Variants in DOCK1 observed in about 807,000 individuals in gnomAD.
DOCK1 encodes the protein dedicator of cytokinesis 1, also known as dedicator of cytokinesis protein 1.
In DOCK1, 138 loss-of-function variants were observed where a neutral mutation model predicts 262.7. The observed-to-expected ratio is 0.53, with a 90% confidence interval of 0.46 to 0.61. The LOEUF is 0.61. Ranked by LOEUF, DOCK1 falls within the 20% of genes least tolerant of loss-of-function variation. DOCK1 has a pLI of 0.00. For synonymous variants in DOCK1, 866 were observed against 867.4 expected (o/e 1.00, Z 0.03); for missense variants, 1,908 against 2,370.7 (o/e 0.80, Z 4.05).
At chr10:126,970,016 G>T (rs1591485350) in intron 1 of DOCK1, among the ~76,000 whole-genome samples, 1 of 152,080 alleles carries the variant, frequency 6.6e-6, no homozygotes, top group Non-Finnish European at 1.5e-5. Context: ...ATTGAGAGTG[G>T]GCTAGTTGAA....
At chr10:127,172,901 G>A (rs1455041529) in intron 27 of DOCK1, among the ~76,000 whole-genome samples, 1 of 152,230 alleles carries the variant, frequency 6.6e-6, no homozygotes, top group Non-Finnish European at 1.5e-5. Flanking sequence ...TCTTATGTAT[G>A]TGGCTATCGA....
At chr10:127,195,853 G>A (rs1030155221) in intron 27 of DOCK1, 1 of 152,280 alleles carries the variant, frequency 6.6e-6, no homozygotes, top group Non-Finnish European at 1.5e-5. Context: ...GGCCCCGGGA[G>A]CCGCCGAGTT....
chr10:127,162,920 A>G (rs944814563), intron 27 of DOCK1, among the ~76,000 whole-genome samples: 1 of 152,156 alleles, frequency 6.6e-6, no homozygotes, highest in Non-Finnish European at 1.5e-5. Flanking sequence ...AAATGAAGGA[A>G]TTCTTGATGG....
chr10:127,440,507 G>A (rs975714952), intron 49 of DOCK1, among the ~76,000 whole-genome samples: 5 of 152,180 alleles, frequency 3.3e-5, no homozygotes, highest in Non-Finnish European at 5.9e-5. Flanking sequence ...GTCAGGATTG[G>A]AGCCGCCCTC....
Position 127,052,694 on chromosome 10 carries a change from G to C in DOCK1, c.2215G>C (p.Val739Leu), listed in dbSNP as rs2044819111. The C allele has an allele frequency of 1.8e-5, 29 of 1,613,998 alleles. No homozygotes were observed. Among genetic ancestry groups the C allele is most frequent in the Non-Finnish European group, 2.5e-5 (29 of 1,179,896 alleles). The change falls in exon 22 of 52, where the codon GTG becomes CTG. Residue 739 changes from valine to leucine, a missense_variant. Val to Leu is a conservative substitution (Grantham distance 32, BLOSUM62 1). Transcript: ENST00000623213. ...ATLAYTKLTK[V>L]LKNYVDGAEK... The stretch of plus-strand genomic sequence containing the variant: ...CATTGTGAATAGGAAGTTGACAAAA[G>C]TGTTGAAGAACTACGTGGACGGTGC...
At position 127,250,791 on chromosome 10, in the gene DOCK1, C is replaced by CAAAAAA. The variant is rs1180814401; in HGVS notation, c.2949+2708_2949+2713dup. 6.6e-4 allele frequency among the ~76,000 whole-genome samples: 42 copies of CAAAAAA among 64,070 alleles called. 1 individual carries two copies. The highest frequency in any genetic ancestry group is 1.0e-3 in the Admixed American group (4 of 3,888). 42.0% of individuals were successfully genotyped at this position (64,070 alleles called of 152,430 possible). On this transcript the variant is annotated intron_variant, in intron 28 of 51. Transcript: ENST00000623213. ...TGGGCGACACAGTGAGACTCCGTCTCAAAAAAAAAAAAAAAAAAAAAAAAA... is the reference window on the plus strand; with the variant it reads ...TGGGCGACACAGTGAGACTCCGTCTCAAAAAAAAAAAAAAAAAAAAAAAAAAAAAAA...
Position 126,925,072 on chromosome 10 carries a change from C to T in DOCK1, c.46+19509C>T, listed in dbSNP as rs528637195. 5.3e-5 allele frequency among the ~76,000 whole-genome samples: 8 copies of T among 152,348 alleles called. No homozygotes were observed. The South Asian group carries it at 1.4e-3, about 28-fold the overall frequency. The stretch of plus-strand genomic sequence containing the variant: ...AAAATTCTCACTGGGCTTCCCGCCT[C>T]TATCACTGATCTAGTCATGATTCAT... On this transcript the variant is annotated intron_variant, in intron 1 of 51. Transcript: ENST00000623213.
intron 29 of DOCK1, among the ~76,000 whole-genome samples, chr10:127,334,504 T>C (rs1590522166): frequency 1.3e-5 from 2 of 152,198 alleles, no homozygotes; most frequent in Non-Finnish European, 2.9e-5. Context: ...AAAATGATGC[T>C]TCTGACTTTC....
chr10:127,331,135 G>C (rs1164125941), intron 29 of DOCK1, among the ~76,000 whole-genome samples: 1 of 152,132 alleles, frequency 6.6e-6, no homozygotes, highest in African/African-American at 2.4e-5. Context: ...TCTGCTTCTT[G>C]TTTTCTAGAG....
Position 127,175,090 on chromosome 10 carries a change from A to T in DOCK1, c.2847+47326A>T. 1.2e-6 allele frequency: 1 copy of T among 855,484 alleles called. No individual in the cohort carries two copies. The highest frequency in any genetic ancestry group is 1.9e-6 in the Non-Finnish European group (1 of 531,282). The allele number at this position is 855,484 out of a possible 1,614,324, so 53.0% of individuals were successfully genotyped here. A position where few individuals can be genotyped will look rare whatever the true frequency, so the allele number is the denominator to read the frequency against. ...CCCTTGGAGCTCGCCACGCCCTTAG[A>T]CTATGACCTGTTTACGGAAATGCTG... On this transcript the variant is annotated intron_variant, in intron 27 of 51. Coordinates refer to ENST00000623213, the MANE Select transcript of DOCK1 (RefSeq NM_001290223.2). This position sits in a 1 kb window ranked among gnomAD's most constrained non-coding sequence, Gnocchi z 6.3.
chr10:127,028,059 C>T (rs370153706), intron 16 of DOCK1, among the ~76,000 whole-genome samples: 14 of 21,988 alleles, frequency 6.4e-4, no homozygotes, highest in East Asian at 5.2e-3. Context: ...TGGTGCATGG[C>T]GGGGGAGTGC....
At chr10:127,053,868 T>C (rs1225428921) in intron 22 of DOCK1, among the ~76,000 whole-genome samples, 1 of 152,168 alleles carries the variant, frequency 6.6e-6, no homozygotes, top group Admixed American at 6.5e-5. Flanking sequence ...GGAATTTCAC[T>C]CCCTCTGCTT....
At chr10:127,411,296 G>A (rs2067831554) in intron 43 of DOCK1, among the ~76,000 whole-genome samples, 1 of 152,078 alleles carries the variant, frequency 6.6e-6, no homozygotes. Context: ...GTGGCTTTCT[G>A]CAGGTGACAC....
chr10:127,213,797 C>T (rs1429627470), intron 27 of DOCK1, among the ~76,000 whole-genome samples: 4 of 152,172 alleles, frequency 2.6e-5, no homozygotes, highest in South Asian at 2.1e-4. Flanking sequence ...CCCCTGTAGA[C>T]GTTTCTGCCT....
intron 32 of DOCK1, among the ~76,000 whole-genome samples, chr10:127,361,395 T>G (rs890444232): frequency 2.0e-5 from 3 of 152,188 alleles, no homozygotes; most frequent in East Asian, 1.9e-4. Flanking sequence ...ATTACAGGCG[T>G]GAGCCACCAC....
intron 1 of DOCK1, among the ~76,000 whole-genome samples, chr10:126,928,072 A>G (rs994590604): frequency 0.03 from 4,547 of 152,298 alleles, 240 homozygotes; most frequent in African/African-American, 0.1. Context: ...AAGTGTTCTC[A>G]GCAGTGGGAA....
At chr10:127,339,657 G>A (rs951304231) in intron 30 of DOCK1, among the ~76,000 whole-genome samples, 5 of 148,530 alleles carry the variant, frequency 3.4e-5, no homozygotes, top group South Asian at 2.1e-4. Flanking sequence ...GTGCGCGCGC[G>A]CATGCATGCT....
chr10:127,433,829 AT>A (rs2069470000), intron 48 of DOCK1, among the ~76,000 whole-genome samples: 1 of 151,100 alleles, frequency 6.6e-6, no homozygotes, highest in Admixed American at 6.6e-5. Context: ...TGTTTTTGTG[AT>A]TTCTTCTTTT....
chr10:127,426,557 A>G (rs1392570360), intron 47 of DOCK1, among the ~76,000 whole-genome samples: 2 of 152,222 alleles, frequency 1.3e-5, no homozygotes, highest in Admixed American at 1.3e-4. Context: ...ACCAAGGAAG[A>G]TAAGCCAGAT....
Sources: gnomAD v4.1 joint callset for allele counts (sites outside exome capture counted in the v4.1 genomes callset) on GRCh38, gnomAD v4.1.1 for gene constraint, Gnocchi (gnomAD v3.1) non-coding constraint, MANE v1.5 for transcripts, NCBI Gene and HGNC (gene_info 2026-07-23, HGNC 2026-07-21) for gene names.